The following MICAL3 variants were observed in gnomAD, a reference collection of about 807,000 sequenced individuals.
MICAL3 encodes the protein microtubule associated monooxygenase, calponin and LIM domain containing 3, also known as [F-actin]-monooxygenase MICAL3.
A neutral mutation model predicts 207.4 loss-of-function variants in MICAL3; 62 were observed. That is an observed-to-expected ratio of 0.30 (90% confidence interval 0.24 to 0.37). MICAL3 has a LOEUF of 0.37. MICAL3 is among the 10% of genes least tolerant of loss of function. The pLI, the probability that MICAL3 is intolerant of heterozygous loss-of-function variation, is 1.00. For missense variants in MICAL3, 2,368 were observed against 2,635.6 expected (o/e 0.90, Z 2.22); for synonymous variants, 1,077 against 1,069.3 (o/e 1.01, Z -0.14).
At chr22:17,811,047 G>A (rs2062042976) in intron 27 of MICAL3, 2 of 495,722 alleles carry the variant, frequency 4.0e-6, no homozygotes, top group East Asian at 3.5e-5. Flanking sequence ...AGTGCCACGG[G>A]CACACCTAAG....
At chr22:17,846,271 C>T (rs576281044) in intron 19 of MICAL3, among the ~76,000 whole-genome samples, 17 of 152,266 alleles carry the variant, frequency 1.1e-4, no homozygotes, top group Admixed American at 5.9e-4. Context: ...AGGCCATTGC[C>T]GGGGGTTCAG....
At chr22:17,825,554 C>T (rs5992117) in intron 22 of MICAL3, among the ~76,000 whole-genome samples, 4 of 152,024 alleles carry the variant, frequency 2.6e-5, no homozygotes, top group East Asian at 1.9e-4. Context: ...CCCTTCCCTG[C>T]GGCTGTGTGT....
At chr22:17,960,810 C>A (rs112399203) in intron 1 of MICAL3, among the ~76,000 whole-genome samples, 3,258 of 152,216 alleles carry the variant, frequency 0.021, 44 homozygotes, top group Non-Finnish European at 0.033. Flanking sequence ...CAGGGAGATT[C>A]TGAGGCGAGC....
chr22:18,011,496 C>G (rs932522345), intron 1 of MICAL3, among the ~76,000 whole-genome samples: 1 of 151,402 alleles, frequency 6.6e-6, no homozygotes, highest in Non-Finnish European at 1.5e-5. Context: ...TGCGGTGAGC[C>G]GAGATCACTT....
chr22:17,953,907 G>T (rs1410373518), intron 1 of MICAL3, among the ~76,000 whole-genome samples: 1 of 120,592 alleles, frequency 8.3e-6, no homozygotes, highest in Non-Finnish European at 1.6e-5. Flanking sequence ...TTCCAGCCCA[G>T]GTGACAGAGT....
chr22:17,817,262 C>A (rs773783639), intron 26 of MICAL3, 49 bp downstream of exon 26: 15 of 1,519,868 alleles, frequency 9.9e-6, no homozygotes, highest in Non-Finnish European at 1.1e-5. Flanking sequence ...CCCAGCCCCT[C>A]CCGCACCCCT....
intron 29 of MICAL3, among the ~76,000 whole-genome samples, chr22:17,798,590 T>C (rs2061901383): frequency 6.6e-6 from 1 of 152,156 alleles, no homozygotes; most frequent in Non-Finnish European, 1.5e-5. Flanking sequence ...TTGGCGGTGA[T>C]GCCACTATAT....
intron 1 of MICAL3, among the ~76,000 whole-genome samples, chr22:17,926,883 T>C (rs892313706): frequency 6.6e-6 from 1 of 152,272 alleles, no homozygotes; most frequent in Non-Finnish European, 1.5e-5. Context: ...CTCTTAAATG[T>C]AGACCCTTCT....
chr22:17,912,205 TTA>T (rs1470461890), intron 1 of MICAL3, among the ~76,000 whole-genome samples: 10 of 152,188 alleles, frequency 6.6e-5, no homozygotes, highest in African/African-American at 1.9e-4. Context: ...ATGTCTGCCT[TTA>T]TGTCAGTACC....
At position 17,818,520 on chromosome 22, in the gene MICAL3, T is replaced by G. The variant is rs374506546; in HGVS notation, c.4141A>C (p.Lys1381Gln). 1.7e-5 allele frequency: 28 copies of G among 1,613,048 alleles called. 1 individual carries two copies. In the Middle Eastern group the frequency reaches 9.9e-4, roughly 57 times the overall value. The change falls in exon 26 of 32, where the codon AAG becomes CAG. Residue 1381 changes from lysine (K) to glutamine (Q), a missense_variant. Around this residue, in one of 4 missense-constraint regions of MICAL3, gnomAD observed 1,770 missense variants for 1,863.2 expected, o/e 0.95. Coordinates refer to ENST00000441493, the MANE Select transcript of MICAL3 (RefSeq NM_015241.3). ...SPQDEGLHLL[K>Q]PLSIPKRLGL... ...AGCCTTTTGGGGATGGACAGAGGCT[T>G]GAGAAGGTGGAGTCCCTCATCCTGG...
At chr22:18,012,319 A>C (rs1923791917) in intron 1 of MICAL3, among the ~76,000 whole-genome samples, 1 of 152,224 alleles carries the variant, frequency 6.6e-6, no homozygotes, top group African/African-American at 2.4e-5. Context: ...CTGAGGAGCG[A>C]GTGGACAGCT....
chr22:17,965,510 C>T (rs421743), intron 1 of MICAL3, among the ~76,000 whole-genome samples: 91,902 of 152,098 alleles, frequency 0.6, 28,654 homozygotes, highest in Middle Eastern at 0.77. Flanking sequence ...AAGATGAGGC[C>T]CCCAGGAATA....
chr22:17,810,355 A>G (rs554175876), intron 28 of MICAL3, among the ~76,000 whole-genome samples: 78 of 151,588 alleles, frequency 5.1e-4, no homozygotes, highest in Middle Eastern at 3.5e-3. Context: ...GAGCCACCGC[A>G]CCCAGCCAAT....
intron 19 of MICAL3, chr22:17,842,299 C>T (rs1924100491): frequency 2.1e-6 from 1 of 476,960 alleles, no homozygotes; most frequent in East Asian, 3.3e-5. Context: ...CGCAGTCTCC[C>T]CACAAGAGTG....
intron 1 of MICAL3, among the ~76,000 whole-genome samples, chr22:18,003,504 G>C (rs185104797): frequency 6.6e-6 from 1 of 152,114 alleles, no homozygotes. Flanking sequence ...GAAAGTGCTC[G>C]TCCCTAACTC....
chr22:18,011,595 G>A (rs1923734816), intron 1 of MICAL3, among the ~76,000 whole-genome samples: 1 of 150,918 alleles, frequency 6.6e-6, no homozygotes, highest in Non-Finnish European at 1.5e-5. Flanking sequence ...TAAAGGCCAG[G>A]CGCGGTGGCT....
intron 1 of MICAL3, among the ~76,000 whole-genome samples, chr22:17,951,634 T>C (rs986884521): frequency 1.1e-4 from 17 of 152,022 alleles, no homozygotes; most frequent in Non-Finnish European, 2.5e-4. Context: ...AGTCTTCCAT[T>C]ATGGAATAAC....
chr22:17,975,964 C>G (rs1271064983), intron 1 of MICAL3, among the ~76,000 whole-genome samples: 1 of 151,952 alleles, frequency 6.6e-6, no homozygotes, highest in Admixed American at 6.6e-5. Flanking sequence ...GCAGGAGAAT[C>G]GCTAGAACCG....
At chr22:17,797,382 T>G (rs1038162872) in intron 29 of MICAL3, among the ~76,000 whole-genome samples, 1 of 152,096 alleles carries the variant, frequency 6.6e-6, no homozygotes, top group Admixed American at 6.5e-5. Context: ...TAGTCCCAGC[T>G]ACTCAGGAGG....
Sources: allele counts gnomAD v4.1 joint callset (sites outside exome capture counted in the v4.1 genomes callset), GRCh38; gene constraint gnomAD v4.1.1; regional missense constraint gnomAD v4.1.1; transcripts MANE v1.5; gene names NCBI Gene and HGNC (gene_info 2026-07-23, HGNC 2026-07-21).